The following ALDH7A1 variants were observed in gnomAD, a reference collection of about 807,000 sequenced individuals.
ALDH7A1 encodes the protein aldehyde dehydrogenase 7 family member A1.
In ALDH7A1, 63 loss-of-function variants were observed where a neutral mutation model predicts 79.9. The ratio of observed to expected loss-of-function variants is 0.79; its 90% CI spans 0.64 to 0.97. The LOEUF (loss-of-function observed/expected upper bound fraction) is 0.97, where lower values mean the gene tolerates loss of function less well. ALDH7A1 is among the 50% of genes least tolerant of loss of function. The probability of loss-of-function intolerance (pLI) is 0.00; values close to 1 mark genes in which losing one functional copy is unlikely to be tolerated. For missense variants in ALDH7A1, 627 were observed against 665.2 expected (o/e 0.94, Z 0.63); for synonymous variants, 240 against 231.2 (o/e 1.04, Z -0.34).
intron 12 of ALDH7A1, 27 bp from the exon 13 acceptor site, chr5:126,554,420 C>T: frequency 6.3e-7 from 1 of 1,599,566 alleles, no homozygotes. Context: ...AAGGCTGGCT[C>T]ATCATTTTGC....
At chr5:126,570,961 T>C (rs1367357013) in intron 7 of ALDH7A1, 102 bp from the exon 8 acceptor site, 1 of 1,120,652 alleles carries the variant, frequency 8.9e-7, no homozygotes, top group Non-Finnish European at 1.3e-6. Flanking sequence ...CAACTTTCTC[T>C]CCCATCCCTC....
chr5:126,561,634 G>A (rs1750408423), intron 9 of ALDH7A1: 1 of 152,176 alleles, frequency 6.6e-6, no homozygotes, highest in African/African-American at 2.4e-5. Flanking sequence ...CCTTATGTTG[G>A]TCATATAATT....
At chr5:126,545,111 T>C in intron 17 of ALDH7A1, 92 bp from the exon 18 acceptor site, 2 of 962,098 alleles carry the variant, frequency 2.1e-6, no homozygotes, top group South Asian at 2.8e-5. Flanking sequence ...CTGTATATAT[T>C]AACAAGGCAA....
At chr5:126,585,805 C>T (rs868832408) in intron 3 of ALDH7A1, among the ~76,000 whole-genome samples, 7 of 152,092 alleles carry the variant, frequency 4.6e-5, no homozygotes, top group East Asian at 1.9e-4. Context: ...CCAGGTAATC[C>T]GCCTGCCTCG....
intron 5 of ALDH7A1, among the ~76,000 whole-genome samples, chr5:126,578,354 T>C (rs1751047645): frequency 6.6e-6 from 1 of 151,712 alleles, no homozygotes; most frequent in African/African-American, 2.4e-5. Flanking sequence ...AAACTAAAAA[T>C]ACAAATCAGC....
chr5:126,578,750 TTTAA>T (rs1306039561), intron 5 of ALDH7A1, among the ~76,000 whole-genome samples: 1 of 152,200 alleles, frequency 6.6e-6, no homozygotes, highest in Non-Finnish European at 1.5e-5. Flanking sequence ...AGGTGTTTAT[TTTAA>T]TTAAAGGCAG....
intron 10 of ALDH7A1, 100 bp from the exon 11 acceptor site, chr5:126,559,434 GTTTTTT>G: frequency 1.1e-5 from 5 of 442,480 alleles, no homozygotes; most frequent in East Asian, 5.4e-5. Context: ...TTTGGTTTTG[GTTTTTT>G]TTTTTTTTTT....
At chr5:126,563,077 C>T (rs1750456901) in intron 9 of ALDH7A1, among the ~76,000 whole-genome samples, 1 of 152,140 alleles carries the variant, frequency 6.6e-6, no homozygotes, top group Non-Finnish European at 1.5e-5. Flanking sequence ...TGTGAATGTA[C>T]TTGACACTAC....
At chr5:126,558,389 T>C (rs1359518916) in intron 11 of ALDH7A1, among the ~76,000 whole-genome samples, 6 of 152,126 alleles carry the variant, frequency 3.9e-5, no homozygotes, top group Admixed American at 6.5e-5. Context: ...GTCCTCTCGA[T>C]ATATATATGT....
intron 11 of ALDH7A1, 121 bp from the exon 12 acceptor site, chr5:126,556,136 C>A: frequency 1.9e-6 from 1 of 526,762 alleles, no homozygotes. Context: ...AAAATCAAAG[C>A]ATGTTTATTT....
chr5:126,594,437 A>ATT, intron 1 of ALDH7A1: 1 of 243,194 alleles, frequency 4.1e-6, no homozygotes, highest in Non-Finnish European at 8.1e-6. Flanking sequence ...ATAAGGTTTT[A>ATT]ATTTTTTTTT....
Position 126,555,824 on chromosome 5 carries a change from T to A in ALDH7A1, c.1093+107A>T, listed in dbSNP as rs7713264. The A allele has an allele frequency of 0.097, 86,614 of 895,238 alleles. 4,916 individuals carry two copies. The highest frequency in any genetic ancestry group is 0.2 in the Admixed American group (10,286 of 52,160). The allele number at this position is 895,238 out of a possible 1,614,324, so 55.5% of individuals were successfully genotyped here. ...GCCTAATAACCTGCTTCATGTGCCT[T>A]CACGCCTCTCAGGAAAGGGAAAGAA... On this transcript the variant is annotated intron_variant, in intron 12 of 17. Transcript: ENST00000409134.
chr5:126,548,846 G>T (rs1417950305), intron 16 of ALDH7A1, among the ~76,000 whole-genome samples: 3 of 146,088 alleles, frequency 2.1e-5, no homozygotes, highest in Non-Finnish European at 4.5e-5. Flanking sequence ...GATGGCTTGA[G>T]CCCAGGAATT....
At chr5:126,575,109 T>A (rs1362220301) in intron 7 of ALDH7A1, among the ~76,000 whole-genome samples, 1 of 152,206 alleles carries the variant, frequency 6.6e-6, no homozygotes, top group Non-Finnish European at 1.5e-5. Flanking sequence ...TGTTGAATAG[T>A]GAGAAAATAT....
At chr5:126,554,440 C>T in intron 12 of ALDH7A1, 47 bp from the exon 13 acceptor site, 1 of 1,500,618 alleles carries the variant, frequency 6.7e-7, no homozygotes, top group Non-Finnish European at 9.3e-7. Flanking sequence ...CCCTTTATGG[C>T]ATCGTTTTAT....
intron 4 of ALDH7A1, 106 bp from the exon 5 acceptor site, chr5:126,583,080 T>C: frequency 7.4e-7 from 1 of 1,352,912 alleles, no homozygotes; most frequent in Non-Finnish European, 1.0e-6. Flanking sequence ...TGTAATAAAC[T>C]GAAGAAAGTC....
intron 3 of ALDH7A1, among the ~76,000 whole-genome samples, chr5:126,584,659 CAAAAAAA>C (rs35736560): frequency 1.6e-5 from 1 of 62,248 alleles, no homozygotes; most frequent in Non-Finnish European, 3.5e-5. Context: ...CACTCCATCT[CAAAAAAA>C]AAAAAAAAAA....
intron 5 of ALDH7A1, chr5:126,581,789 C>A (rs549441443): frequency 5.6e-6 from 1 of 178,832 alleles, no homozygotes; most frequent in Non-Finnish European, 1.2e-5. Context: ...AGCAGCCTGG[C>A]CAGGATGGTG....
At position 126,559,422 on chromosome 5, in the gene ALDH7A1, TTTTTGG is replaced by T. The variant is rs201981205; in HGVS notation, c.914-94_914-89del. ...TGGTATAAAACAATGTTGTTTTTTG[TTTTTGG>T]TTTTGGTTTTTTTTTTTTTTTTTTG... On this transcript the variant is annotated intron_variant, in intron 10 of 17. Coordinates refer to ENST00000409134, the MANE Select transcript of ALDH7A1 (RefSeq NM_001182.5). 20,101 of 1,002,820 alleles carry T rather than the reference TTTTTGG, an allele frequency of 0.02. 275 individuals carry two copies. Among genetic ancestry groups the T allele is most frequent in the Admixed American group, 0.091 (3,679 of 40,622 alleles). 62.1% of individuals were successfully genotyped at this position (1,002,820 alleles called of 1,614,324 possible).
Sources: gnomAD v4.1 joint callset for allele counts (sites outside exome capture counted in the v4.1 genomes callset) on GRCh38, gnomAD v4.1.1 for gene constraint, MANE v1.5 for transcripts, NCBI Gene and HGNC (gene_info 2026-07-23, HGNC 2026-07-21) for gene names.